ADCY2: variants seen among roughly 807,000 people sequenced by gnomAD.
ADCY2 encodes adenylate cyclase 2.
ADCY2 carries 31 observed loss-of-function variants against 125.2 expected under a neutral mutation model. The observed-to-expected ratio is 0.25, with a 90% CI of 0.19 to 0.33. ADCY2 has a LOEUF of 0.33. ADCY2 is among the 10% of genes least tolerant of loss of function. ADCY2 has a pLI of 1.00. For synonymous variants in ADCY2, 512 were observed against 548.4 expected (o/e 0.93, Z 0.93); for missense variants, 904 against 1,418.2 (o/e 0.64, Z 5.82).
chr5:7,526,088 C>A (rs550684925), intron 3 of ADCY2, among the ~76,000 whole-genome samples: 1 of 152,220 alleles, frequency 6.6e-6, no homozygotes, highest in African/African-American at 2.4e-5. Flanking sequence ...CTGACACCCA[C>A]GCATGTGGGG....
At chr5:7,682,594 T>C (rs1255456386) in intron 4 of ADCY2, among the ~76,000 whole-genome samples, 1 of 152,208 alleles carries the variant, frequency 6.6e-6, no homozygotes, top group African/African-American at 2.4e-5. Flanking sequence ...TGGGAGGGGC[T>C]GATTCTCAAG....
intron 2 of ADCY2, among the ~76,000 whole-genome samples, chr5:7,433,314 A>G (rs115758036): frequency 0.015 from 2,216 of 152,260 alleles, 57 homozygotes; most frequent in African/African-American, 0.051. Context: ...GCAAACACAT[A>G]TTTTATTAAT....
At chr5:7,554,171 G>T (rs553194060) in intron 3 of ADCY2, among the ~76,000 whole-genome samples, 1 of 152,258 alleles carries the variant, frequency 6.6e-6, no homozygotes, top group South Asian at 2.1e-4. Context: ...GTTATGCCAA[G>T]GCCGACCAAA....
chr5:7,619,549 A>G (rs1157578834), intron 3 of ADCY2, among the ~76,000 whole-genome samples: 1 of 152,236 alleles, frequency 6.6e-6, no homozygotes, highest in African/African-American at 2.4e-5. Flanking sequence ...ATTCCATCAT[A>G]GAAATTGATG....
At chr5:7,572,058 G>T (rs1736082242) in intron 3 of ADCY2, among the ~76,000 whole-genome samples, 1 of 152,124 alleles carries the variant, frequency 6.6e-6, no homozygotes, top group East Asian at 1.9e-4. Flanking sequence ...CATTTAGTTT[G>T]ATTCCATGTC....
rs887689542 is a variant in ADCY2, at chr5:7,829,147, C to T, written c.*2276C>T. 1.3e-5 allele frequency: 2 copies of T among 152,314 alleles called. No individual in the cohort carries two copies. Among genetic ancestry groups the T allele is most frequent in the Admixed American group, 6.5e-5 (1 of 15,274 alleles). 9.4% of individuals were successfully genotyped at this position (152,314 alleles called of 1,614,324 possible). ...GAGCAGCCTTAGCATCCCCTGTGAA[C>T]TTATCAAAAATGCAAATTCTCAGGC... is the stretch of plus-strand genomic sequence containing the variant. On this transcript the variant is annotated 3_prime_UTR_variant, in exon 25 of 25. Transcript: ENST00000338316.
At chr5:7,690,586 T>A in intron 4 of ADCY2, 105 bp from the exon 5 acceptor site, 1 of 1,062,928 alleles carries the variant, frequency 9.4e-7, no homozygotes, top group Non-Finnish European at 1.3e-6. Context: ...CAGGAAAGAA[T>A]TCCCAAACTG....
intron 2 of ADCY2, among the ~76,000 whole-genome samples, chr5:7,494,405 G>T (rs1247801711): frequency 1.3e-5 from 2 of 152,026 alleles, no homozygotes; most frequent in Non-Finnish European, 2.9e-5. Flanking sequence ...TTCTCTCTCT[G>T]CTCTCAACTC....
At chr5:7,539,667 AG>A (rs1225605720) in intron 3 of ADCY2, among the ~76,000 whole-genome samples, 2 of 152,222 alleles carry the variant, frequency 1.3e-5, no homozygotes, top group Non-Finnish European at 2.9e-5. Flanking sequence ...AGGGATTGAC[AG>A]TCATTTTCTG....
At chr5:7,462,432 C>T (rs1422542123) in intron 2 of ADCY2, among the ~76,000 whole-genome samples, 1 of 152,194 alleles carries the variant, frequency 6.6e-6, no homozygotes, top group African/African-American at 2.4e-5. Context: ...ATTCCCAATA[C>T]TGCTATCTTC....
rs1738432169 is a variant in ADCY2 at position 7,634,690 on chromosome 5, A to G, written c.720+8374A>G. ...GCAGAAAAGCCCTCTTGTCCTATTT[A>G]TCAAATTTACAGGTTTTTTTTTTTT... On this transcript the variant is annotated intron_variant, in intron 4 of 24. Transcript: ENST00000338316. Among the ~76,000 whole-genome samples, 4 of 150,962 alleles carry G rather than the reference A, an allele frequency of 2.6e-5. No individual in the cohort carries two copies. In the South Asian group the frequency reaches 6.3e-4, roughly 24 times the overall value.
intron 3 of ADCY2, among the ~76,000 whole-genome samples, chr5:7,583,927 A>G (rs1736528047): frequency 6.6e-6 from 1 of 152,164 alleles, no homozygotes; most frequent in Admixed American, 6.5e-5. Flanking sequence ...TACATGCAAC[A>G]TAGATAAGTC....
chr5:7,544,245 G>C (rs1165996737), intron 3 of ADCY2, among the ~76,000 whole-genome samples: 1 of 152,118 alleles, frequency 6.6e-6, no homozygotes, highest in Non-Finnish European at 1.5e-5. Context: ...TTCCAAAGCT[G>C]CTATAACAAA....
chr5:7,699,823 A>T (rs1160800621), intron 7 of ADCY2, among the ~76,000 whole-genome samples: 1 of 152,148 alleles, frequency 6.6e-6, no homozygotes, highest in East Asian at 1.9e-4. Context: ...CCTAGGCTCA[A>T]GCGATCTGCT....
chr5:7,554,612 G>A (rs1216682919), intron 3 of ADCY2, among the ~76,000 whole-genome samples: 1 of 152,144 alleles, frequency 6.6e-6, no homozygotes, highest in Non-Finnish European at 1.5e-5. Context: ...AAGCATGTCT[G>A]TTCAGTGGCC....
intron 15 of ADCY2, among the ~76,000 whole-genome samples, chr5:7,756,463 A>C (rs900609549): frequency 6.6e-6 from 1 of 152,238 alleles, no homozygotes; most frequent in Admixed American, 6.5e-5. Flanking sequence ...GATAAAAAAA[A>C]GTATAGATCC....
At chr5:7,705,145 G>GGTTCTCTAAT (rs1741227542) in intron 7 of ADCY2, among the ~76,000 whole-genome samples, 1 of 152,096 alleles carries the variant, frequency 6.6e-6, no homozygotes, top group African/African-American at 2.4e-5. Flanking sequence ...AACAATTATG[G>GGTTCTCTAAT]GTTCTCTAAT....
Position 7,827,036 on chromosome 5 carries a change from T to C in ADCY2, c.*165T>C, listed in dbSNP as rs1273024039. 9 of 819,574 alleles carry C rather than the reference T, an allele frequency of 1.1e-5. No homozygotes were observed. The highest frequency in any genetic ancestry group is 1.7e-5 in the Non-Finnish European group (9 of 540,992). 50.8% of individuals were successfully genotyped at this position (819,574 alleles called of 1,614,324 possible). A position where few individuals can be genotyped will look rare whatever the true frequency, so the allele number is the denominator to read the frequency against. Reference sequence around the variant, plus strand: ...GTGGCATACCGTTTGGTGTCTGATGTGTGCCCAGATCGTTCTGCCACTTGC... The same window carrying C: ...GTGGCATACCGTTTGGTGTCTGATGCGTGCCCAGATCGTTCTGCCACTTGC... On this transcript the variant is annotated 3_prime_UTR_variant, in exon 25 of 25. Coordinates refer to ENST00000338316, the MANE Select transcript of ADCY2 (RefSeq NM_020546.3).
chr5:7,792,828 AAAG>A (rs1744297653), intron 20 of ADCY2, among the ~76,000 whole-genome samples: 1 of 152,200 alleles, frequency 6.6e-6, no homozygotes, highest in Non-Finnish European at 1.5e-5. Context: ...CTCATCCATA[AAAG>A]AAGAAGCATG....
Sources: allele counts gnomAD v4.1 joint callset (sites outside exome capture counted in the v4.1 genomes callset), GRCh38; gene constraint gnomAD v4.1.1; transcripts MANE v1.5; gene names NCBI Gene and HGNC (gene_info 2026-07-23, HGNC 2026-07-21).